PGGT1B: variants seen among roughly 807,000 people sequenced by gnomAD.
PGGT1B encodes the protein protein geranylgeranyltransferase type I subunit beta.
Under a neutral mutation model 46.1 loss-of-function variants are expected in PGGT1B, and 30 were observed. The ratio of observed to expected loss-of-function variants is 0.65; its 90% CI spans 0.49 to 0.88. The LOEUF (loss-of-function observed/expected upper bound fraction) is 0.88. PGGT1B is among the 40% of genes least tolerant of loss of function. PGGT1B has a pLI of 0.00. For synonymous variants in PGGT1B, 170 were observed against 160.0 expected, an observed-to-expected ratio of 1.06 and a Z score of -0.47; for missense variants, 376 against 455.9, an observed-to-expected ratio of 0.82 and a Z score of 1.60.
chr5:115,255,597 A>G (rs1748277330), intron 1 of PGGT1B, among the ~76,000 whole-genome samples: 1 of 152,210 alleles, frequency 6.6e-6, no homozygotes, highest in South Asian at 2.1e-4. Flanking sequence ...GAAGACAGAG[A>G]CAAAAGTGGA....
chr5:115,204,497 C>T lies in PGGT1B; in HGVS notation c.*7905G>A, dbSNP rs1368376645. 1 of 152,068 alleles carries T rather than the reference C, an allele frequency of 6.6e-6. No individual in the cohort carries two copies. The highest frequency in any genetic ancestry group is 1.9e-4 in the East Asian group (1 of 5,200). 9.4% of individuals were successfully genotyped at this position (152,068 alleles called of 1,614,324 possible). A position where few individuals can be genotyped will look rare whatever the true frequency, so the allele number is the denominator to read the frequency against. ...TACAGCACATATAAAGAATTAACCT[C>T]CCCCCAAACTTATTAGAACTTGATT... On this transcript the variant is annotated 3_prime_UTR_variant, in exon 9 of 9. Coordinates refer to ENST00000419445, the MANE Select transcript of PGGT1B (RefSeq NM_005023.4).
intron 2 of PGGT1B, among the ~76,000 whole-genome samples, chr5:115,251,268 C>A (rs1028773626): frequency 3.9e-5 from 6 of 152,002 alleles, no homozygotes; most frequent in African/African-American, 1.4e-4. Context: ...TTATTTTCCA[C>A]CTTTTTAATT....
At position 115,204,113 on chromosome 5, in the gene PGGT1B, A is replaced by G. The variant is rs1395319101; in HGVS notation, c.*8289T>C. ...GGTAGGAGTAAAGATCACATTGTTGAATTATAAAGAGCTTACTGTTAAGAA... is the reference window on the plus strand; with the variant it reads ...GGTAGGAGTAAAGATCACATTGTTGGATTATAAAGAGCTTACTGTTAAGAA... On this transcript the variant is annotated 3_prime_UTR_variant, in exon 9 of 9. Coordinates refer to ENST00000419445, the MANE Select transcript of PGGT1B (RefSeq NM_005023.4). 6.6e-6 allele frequency: 1 copy of G among 152,172 alleles called. No individual in the cohort carries two copies. The highest frequency in any genetic ancestry group is 1.5e-5 in the Non-Finnish European group (1 of 68,030). The allele number at this position is 152,172 out of a possible 1,614,324, so 9.4% of individuals were successfully genotyped here. A position where few individuals can be genotyped will look rare whatever the true frequency, so the allele number is the denominator to read the frequency against.
intron 8 of PGGT1B, among the ~76,000 whole-genome samples, chr5:115,212,933 G>C (rs2126985450): frequency 6.6e-6 from 1 of 152,196 alleles, no homozygotes; most frequent in Admixed American, 6.5e-5. Flanking sequence ...GCTTACTAGA[G>C]AACATGAAAA....
At chr5:115,246,133 C>G (rs1747822393) in intron 2 of PGGT1B, among the ~76,000 whole-genome samples, 1 of 152,064 alleles carries the variant, frequency 6.6e-6, no homozygotes, top group Non-Finnish European at 1.5e-5. Context: ...GGGTGGATCA[C>G]CTGAGGTCAG....
chr5:115,216,853 G>A lies in PGGT1B; in HGVS notation c.952+12C>T, dbSNP rs903271269. The A allele has an allele frequency of 9.6e-6, 13 of 1,349,332 alleles. No homozygotes were observed. Among genetic ancestry groups the A allele is most frequent in the Non-Finnish European group, 1.4e-5 (13 of 942,824 alleles). The allele number at this position is 1,349,332 out of a possible 1,614,324, so 83.6% of individuals were successfully genotyped here. Reference sequence around the variant, plus strand: ...AATAAAGGTTGTTCTGATTCACAAAGAAAATAATTACCTGGATGACTGTCT... The same window carrying A: ...AATAAAGGTTGTTCTGATTCACAAAAAAAATAATTACCTGGATGACTGTCT... On this transcript the variant is annotated intron_variant, in intron 8 of 8. Transcript: ENST00000419445.
Position 115,231,040 on chromosome 5 carries a change from G to A in PGGT1B, c.613-19C>T. ...CATAGGACTGAAAAAGAAAAACATT[G>A]TTCAGTTTAATAGGGAAATAATAAT... On this transcript the variant is annotated intron_variant, in intron 5 of 8. Coordinates refer to ENST00000419445, the MANE Select transcript of PGGT1B (RefSeq NM_005023.4). 1.4e-6 allele frequency: 2 copies of A among 1,446,814 alleles called. No individual in the cohort carries two copies. The highest frequency in any genetic ancestry group is 1.9e-6 in the Non-Finnish European group (2 of 1,055,360). The allele number at this position is 1,446,814 out of a possible 1,614,324, so 89.6% of individuals were successfully genotyped here. A position where few individuals can be genotyped will look rare whatever the true frequency, so the allele number is the denominator to read the frequency against.
At chr5:115,245,322 T>G (rs1019146685) in intron 2 of PGGT1B, among the ~76,000 whole-genome samples, 6 of 152,336 alleles carry the variant, frequency 3.9e-5, no homozygotes, top group African/African-American at 1.2e-4. Context: ...TTCACTTCTG[T>G]TTTTAGCCTG....
chr5:115,226,291 T>G (rs940919654), intron 6 of PGGT1B, among the ~76,000 whole-genome samples: 2 of 152,124 alleles, frequency 1.3e-5, no homozygotes, highest in Non-Finnish European at 2.9e-5. Flanking sequence ...ACATTTCAAA[T>G]TTCTGATTTC....
chr5:115,227,078 G>A (rs1756812162), intron 6 of PGGT1B, among the ~76,000 whole-genome samples: 1 of 152,136 alleles, frequency 6.6e-6, no homozygotes, highest in Non-Finnish European at 1.5e-5. Flanking sequence ...GGGTCACTCA[G>A]ATGTGGGTCT....
chr5:115,262,814 C>G lies in PGGT1B; in HGVS notation c.38G>C (p.Gly13Ala). Residue 13 changes from glycine (G) to alanine (A), a missense_variant, in exon 1 of 9, where the codon GGT becomes GCT. Gly to Ala is a moderately conservative substitution (Grantham distance 60). Around this residue, in one of 2 missense-constraint regions of PGGT1B, gnomAD observed 154 missense variants for 142.3 expected, o/e 1.08. Transcript: ENST00000419445. Reference sequence around the variant, plus strand: ...TAAGAAATCCAGCCGCTCTCCCTCACCGCTCCCTGCTAGCCTCTCATCCTC... The same window carrying G: ...TAAGAAATCCAGCCGCTCTCCCTCAGCGCTCCCTGCTAGCCTCTCATCCTC... Reference protein sequence around the residue: ...ATEDERLAGSGEGERLDFLRD... With the variant: ...ATEDERLAGSAEGERLDFLRD... 2 of 1,612,760 alleles carry G rather than the reference C, an allele frequency of 1.2e-6. No homozygotes were observed. Among genetic ancestry groups the G allele is most frequent in the African/African-American group, 1.3e-5 (1 of 75,006 alleles).
At chr5:115,234,384 G>C (rs544285096) in intron 5 of PGGT1B, among the ~76,000 whole-genome samples, 3 of 151,978 alleles carry the variant, frequency 2.0e-5, no homozygotes, top group African/African-American at 7.2e-5. Flanking sequence ...GTTAAGAAGA[G>C]GGGGGAATAC....
chr5:115,245,268 A>G (rs1389649503), intron 2 of PGGT1B, among the ~76,000 whole-genome samples: 4 of 152,238 alleles, frequency 2.6e-5, no homozygotes, highest in Admixed American at 2.6e-4. Flanking sequence ...AAATGAATTT[A>G]TTCATCTTCT....
intron 5 of PGGT1B, chr5:115,231,441 G>A (rs1410470108): frequency 6.6e-6 from 1 of 152,448 alleles, no homozygotes; most frequent in African/African-American, 2.4e-5. Context: ...GAGAATAATG[G>A]TAGCCATTAT....
rs1756219097 is a variant in PGGT1B, at chr5:115,211,453, T to A, written c.*949A>T. On this transcript the variant is annotated 3_prime_UTR_variant, in exon 9 of 9. Transcript: ENST00000419445. ...GTTTTTGTATTTTTTACTTATTTAA[T>A]TTGAAAAAAATTAGAAAAGTATTAG... is the stretch of plus-strand genomic sequence containing the variant. The A allele has an allele frequency of 6.6e-6, 1 of 151,830 alleles. No individual in the cohort carries two copies. The highest frequency in any genetic ancestry group is 1.5e-5 in the Non-Finnish European group (1 of 67,878). 9.4% of individuals were successfully genotyped at this position (151,830 alleles called of 1,614,324 possible). A position where few individuals can be genotyped will look rare whatever the true frequency, so the allele number is the denominator to read the frequency against.
chr5:115,217,760 C>T (rs1756465061), intron 7 of PGGT1B, among the ~76,000 whole-genome samples: 1 of 151,770 alleles, frequency 6.6e-6, no homozygotes, highest in African/African-American at 2.4e-5. Flanking sequence ...ATGGTACAAA[C>T]AGGAAACAAA....
At position 115,205,511 on chromosome 5, in the gene PGGT1B, GA is replaced by G. The variant is rs1328199938; in HGVS notation, c.*6890del. On this transcript the variant is annotated 3_prime_UTR_variant, in exon 9 of 9. Coordinates refer to ENST00000419445, the MANE Select transcript of PGGT1B (RefSeq NM_005023.4). ...CAGTTAAAAAAATGTGGCATAAAAA[GA>G]ATGTTATTTCTGGAGACAGAAAACA... 6.6e-6 allele frequency: 1 copy of G among 152,112 alleles called. No homozygotes were observed. The highest frequency in any genetic ancestry group is 1.5e-5 in the Non-Finnish European group (1 of 67,970). The allele number at this position is 152,112 out of a possible 1,614,324, so 9.4% of individuals were successfully genotyped here.
chr5:115,222,402 C>T (rs1756615268), intron 6 of PGGT1B, among the ~76,000 whole-genome samples: 1 of 152,120 alleles, frequency 6.6e-6, no homozygotes, highest in Admixed American at 6.6e-5. Flanking sequence ...TCCATCAACC[C>T]TAAGCTACAA....
chr5:115,250,676 C>T (rs1323133664), intron 2 of PGGT1B, among the ~76,000 whole-genome samples: 1 of 152,066 alleles, frequency 6.6e-6, no homozygotes, highest in African/African-American at 2.4e-5. Flanking sequence ...GTATAATAAA[C>T]ATCAGAAAAG....
Sources: gnomAD v4.1 joint callset for allele counts (sites outside exome capture counted in the v4.1 genomes callset) on GRCh38, gnomAD v4.1.1 for gene constraint, gnomAD v4.1.1 regional missense constraint, MANE v1.5 for transcripts, NCBI Gene and HGNC (gene_info 2026-07-23, HGNC 2026-07-21) for gene names.